Variants in CSMD3 observed in about 807,000 individuals in gnomAD.
CSMD3 encodes CUB and sushi domain-containing protein 3.
In CSMD3, 177 loss-of-function variants were observed where a neutral mutation model predicts 435.2. The ratio of observed to expected loss-of-function variants is 0.41; its 90% CI spans 0.36 to 0.46. The LOEUF (loss-of-function observed/expected upper bound fraction) is 0.46. Ranked by LOEUF, CSMD3 falls within the 20% of genes least tolerant of loss-of-function variation. The pLI is 0.34. For missense variants in CSMD3, 4,265 were observed against 4,504.6 expected (o/e 0.95, Z 1.52); for synonymous variants, 1,656 against 1,520.5 (o/e 1.09, Z -2.07).
chr8:113,429,152 C>A (rs944837786), intron 1 of CSMD3, among the ~76,000 whole-genome samples: 5 of 151,512 alleles, frequency 3.3e-5, no homozygotes, highest in Non-Finnish European at 3.0e-5. Context: ...TCAACTATCA[C>A]TAAAATTGAT....
chr8:113,163,582 G>A (rs1197723059), intron 4 of CSMD3, among the ~76,000 whole-genome samples: 2 of 151,870 alleles, frequency 1.3e-5, no homozygotes, highest in Non-Finnish European at 2.9e-5. Flanking sequence ...ATATTAAACT[G>A]TAGAAAAAAT....
chr8:112,265,287 C>A, intron 60 of CSMD3, 124 bp downstream of exon 60: 1 of 502,694 alleles, frequency 2.0e-6, no homozygotes, highest in Non-Finnish European at 3.3e-6. Context: ...ATTTTTAGTA[C>A]TAGAAAAATA....
chr8:112,669,512 C>A (rs570943581), intron 16 of CSMD3, among the ~76,000 whole-genome samples: 1 of 151,962 alleles, frequency 6.6e-6, no homozygotes, highest in South Asian at 2.1e-4. Flanking sequence ...ATTTTTTTAA[C>A]CAAAAATGAG....
intron 1 of CSMD3, among the ~76,000 whole-genome samples, chr8:113,409,498 A>G (rs753870216): frequency 1.4e-4 from 22 of 152,160 alleles, no homozygotes; most frequent in Non-Finnish European, 2.9e-4. Flanking sequence ...TGTAAACTCC[A>G]CAATGGTATG....
intron 38 of CSMD3, among the ~76,000 whole-genome samples, chr8:112,368,852 G>A (rs1335525289): frequency 6.6e-6 from 1 of 152,046 alleles, no homozygotes; most frequent in African/African-American, 2.4e-5. Flanking sequence ...GGTTAAAAAT[G>A]TATCTGCCTC....
chr8:112,592,779 A>T (rs1046422135), intron 22 of CSMD3, among the ~76,000 whole-genome samples: 8 of 152,104 alleles, frequency 5.3e-5, no homozygotes, highest in Non-Finnish European at 7.4e-5. Context: ...GTTCTTAATA[A>T]AAATAACTAT....
chr8:113,256,526 T>A (rs1428735790), intron 3 of CSMD3, among the ~76,000 whole-genome samples: 2 of 152,212 alleles, frequency 1.3e-5, no homozygotes, highest in African/African-American at 4.8e-5. Flanking sequence ...TCTTCAGAAG[T>A]AAACAATTGG....
At chr8:113,282,641 G>A (rs2093621026) in intron 2 of CSMD3, among the ~76,000 whole-genome samples, 1 of 151,962 alleles carries the variant, frequency 6.6e-6, no homozygotes, top group South Asian at 2.1e-4. Context: ...TCAATGTTTT[G>A]AAAATGACCA....
At chr8:112,387,324 T>C (rs1830061680) in intron 36 of CSMD3, among the ~76,000 whole-genome samples, 2 of 152,226 alleles carry the variant, frequency 1.3e-5, no homozygotes, top group Admixed American at 6.5e-5. Context: ...ATATATGATT[T>C]ATTGAATATT....
chr8:113,135,712 C>T (rs1000248787), intron 4 of CSMD3, among the ~76,000 whole-genome samples: 12 of 151,722 alleles, frequency 7.9e-5, no homozygotes, highest in Admixed American at 3.3e-4. Context: ...GCCAAATCTT[C>T]GTTTTCTTAG....
chr8:112,306,407 A>G (rs193160957), intron 50 of CSMD3, among the ~76,000 whole-genome samples: 25 of 152,278 alleles, frequency 1.6e-4, no homozygotes, highest in African/African-American at 5.3e-4. Context: ...TGATGAATCT[A>G]TACATTGTTA....
At position 112,596,872 on chromosome 8, in the gene CSMD3, T is replaced by C. The variant is rs1034493409; in HGVS notation, c.3716-9637A>G. The stretch of plus-strand genomic sequence containing the variant: ...TCTGGGACGCATTCAAAGCAGTGTG[T>C]AGAGGGAAATTTATAGCACTAAATG... On this transcript the variant is annotated intron_variant, in intron 22 of 70. Transcript: ENST00000297405. Among the ~76,000 whole-genome samples, 944 of 151,490 alleles carry C rather than the reference T, an allele frequency of 6.2e-3. 8 individuals carry two copies. Among genetic ancestry groups the C allele is most frequent in the African/African-American group, 0.022 (894 of 41,294 alleles).
intron 13 of CSMD3, among the ~76,000 whole-genome samples, chr8:112,791,319 G>GGAAAAAAAAAAAAAAAAAAAAAA (rs56289713): frequency 9.7e-6 from 1 of 103,194 alleles, no homozygotes; most frequent in African/African-American, 3.9e-5. Context: ...CATATCCTGT[G>GGAAAAAAAAAAAAAAAAAAAAAA]AAAAAAAAAA....
At chr8:112,606,519 TA>T (rs1351451233) in intron 22 of CSMD3, among the ~76,000 whole-genome samples, 2 of 152,274 alleles carry the variant, frequency 1.3e-5, no homozygotes, top group African/African-American at 4.8e-5. Context: ...AGAAACACTG[TA>T]CTTGAACTAC....
chr8:113,422,666 C>T (rs576089616), intron 1 of CSMD3, among the ~76,000 whole-genome samples: 61 of 151,960 alleles, frequency 4.0e-4, no homozygotes, highest in Admixed American at 3.1e-3. Context: ...ATGTGAAAGA[C>T]GAAAACATGC....
chr8:113,049,497 T>C (rs924267248), intron 5 of CSMD3, among the ~76,000 whole-genome samples: 1 of 152,130 alleles, frequency 6.6e-6, no homozygotes, highest in South Asian at 2.1e-4. Context: ...GAATTGGCTT[T>C]AACATAATGT....
chr8:113,434,693 C>T (rs1455809768), intron 1 of CSMD3, among the ~76,000 whole-genome samples: 1 of 152,162 alleles, frequency 6.6e-6, no homozygotes, highest in Non-Finnish European at 1.5e-5. Context: ...CATACTCTTC[C>T]TTCTCAATAT....
chr8:113,274,683 A>G (rs1228227634), intron 3 of CSMD3, among the ~76,000 whole-genome samples: 1 of 152,086 alleles, frequency 6.6e-6, no homozygotes, highest in Non-Finnish European at 1.5e-5. Flanking sequence ...GTCTTGAAAG[A>G]TCTCATAGTA....
At chr8:112,451,835 G>A (rs1563552541) in intron 32 of CSMD3, among the ~76,000 whole-genome samples, 1 of 152,118 alleles carries the variant, frequency 6.6e-6, no homozygotes, top group Non-Finnish European at 1.5e-5. Flanking sequence ...ACAGCGCCTG[G>A]CCCCAAAGAT....
Sources: gnomAD v4.1 joint callset for allele counts (sites outside exome capture counted in the v4.1 genomes callset) on GRCh38, gnomAD v4.1.1 for gene constraint, MANE v1.5 for transcripts, NCBI Gene and HGNC (gene_info 2026-07-23, HGNC 2026-07-21) for gene names.